Variants in GRIA1 observed in about 807,000 individuals in gnomAD.
GRIA1 encodes glutamate receptor 1.
A neutral mutation model predicts 99.2 loss-of-function variants in GRIA1; 31 were observed. That is an observed-to-expected ratio of 0.31 (90% CI 0.23 to 0.42). The LOEUF (loss-of-function observed/expected upper bound fraction) is 0.42. Ranked by LOEUF, GRIA1 falls within the 10% of genes least tolerant of loss-of-function variation. The pLI, the probability that GRIA1 is intolerant of heterozygous loss-of-function variation, is 1.00. For missense variants in GRIA1, 782 were observed against 1,157.5 expected, an observed-to-expected ratio of 0.68 and a Z score of 4.71; for synonymous variants, 438 against 432.4, an observed-to-expected ratio of 1.01 and a Z score of -0.16.
intron 11 of GRIA1, 196 bp downstream of exon 11, chr5:153,706,263 T>C: frequency 1.7e-6 from 1 of 603,562 alleles, no homozygotes; most frequent in Non-Finnish European, 2.9e-6. Context: ...CTGGGCCATC[T>C]CTGTCTGCTC....
Position 153,712,330 on chromosome 5 carries a change from A to G in GRIA1, c.1823+6263A>G, listed in dbSNP as rs527701602. Reference sequence around the variant, plus strand: ...CTCCCAAAGTGCTGGGATTACAGGCATGAGCCACTGTGCCCAGCCTTGTTG... The same window carrying G: ...CTCCCAAAGTGCTGGGATTACAGGCGTGAGCCACTGTGCCCAGCCTTGTTG... On this transcript the variant is annotated intron_variant, in intron 11 of 15. Transcript: ENST00000285900. Among the ~76,000 whole-genome samples, 114 of 152,312 alleles carry G rather than the reference A, an allele frequency of 7.5e-4. No individual in the cohort carries two copies. In the South Asian group the frequency reaches 0.019, roughly 25 times the overall value.
At chr5:153,690,274 A>G (rs1438652501) in intron 8 of GRIA1, among the ~76,000 whole-genome samples, 2 of 150,496 alleles carry the variant, frequency 1.3e-5, no homozygotes, top group Non-Finnish European at 3.0e-5. Flanking sequence ...AATATAATAT[A>G]ATATAATTTA....
At chr5:153,565,924 T>G (rs1210134491) in intron 2 of GRIA1, among the ~76,000 whole-genome samples, 1 of 152,234 alleles carries the variant, frequency 6.6e-6, no homozygotes, top group Non-Finnish European at 1.5e-5. Flanking sequence ...TGACTAATGC[T>G]GCTATGGAAA....
At chr5:153,583,954 C>G (rs1421560570) in intron 2 of GRIA1, among the ~76,000 whole-genome samples, 1 of 152,188 alleles carries the variant, frequency 6.6e-6, no homozygotes, top group African/African-American at 2.4e-5. Context: ...CCTGGTGATG[C>G]TCTCACTGGT....
chr5:153,718,161 T>C (rs574740978), intron 11 of GRIA1, among the ~76,000 whole-genome samples: 142 of 152,200 alleles, frequency 9.3e-4, no homozygotes, highest in Non-Finnish European at 1.6e-3. Flanking sequence ...AAGAAGTGAG[T>C]TCAGACCTCT....
chr5:153,552,748 G>T lies in GRIA1; in HGVS notation c.220+58683G>T, dbSNP rs531781540. On this transcript the variant is annotated intron_variant, in intron 2 of 15. Transcript: ENST00000285900. ...AGATTCTGTGGGGGCAGGGTCTAAG[G>T]TTTAGCATTTCTTACAAGCCAATGC... Among the ~76,000 whole-genome samples, 33 of 152,216 alleles carry T rather than the reference G, an allele frequency of 2.2e-4. No individual in the cohort carries two copies. The Middle Eastern group carries it at 0.01, about 47-fold the overall frequency.
At chr5:153,585,686 C>A (rs58694528) in intron 2 of GRIA1, among the ~76,000 whole-genome samples, 1,753 of 152,154 alleles carry the variant, frequency 0.012, 29 homozygotes, top group African/African-American at 0.04. Context: ...GGCTTATTGC[C>A]CCTTTGGACC....
chr5:153,492,229 C>T (rs557148743), intron 1 of GRIA1: 57 of 1,511,556 alleles, frequency 3.8e-5, no homozygotes, highest in Non-Finnish European at 4.9e-5. Context: ...CTTTCAGCCT[C>T]TCCAGCTAGC....
chr5:153,742,396 C>CATCA (rs1761870429), intron 11 of GRIA1, among the ~76,000 whole-genome samples: 2 of 152,144 alleles, frequency 1.3e-5, no homozygotes, highest in African/African-American at 4.8e-5. Flanking sequence ...ATTCATTTTC[C>CATCA]ATCACTGCCA....
At chr5:153,794,834 T>A in intron 14 of GRIA1, 99 bp downstream of exon 14, 1 of 700,714 alleles carries the variant, frequency 1.4e-6, no homozygotes, top group Non-Finnish European at 2.5e-6. Context: ...TTCCTAATAC[T>A]AAAAAGAAAA....
intron 3 of GRIA1, 89 bp downstream of exon 3, chr5:153,647,256 A>G (rs1221165333): frequency 1.4e-6 from 2 of 1,424,506 alleles, no homozygotes; most frequent in Non-Finnish European, 9.5e-7. Flanking sequence ...TGCTTCCCTG[A>G]AAAATATGGG....
chr5:153,776,642 A>G (rs959955275), intron 13 of GRIA1, among the ~76,000 whole-genome samples: 3 of 152,218 alleles, frequency 2.0e-5, no homozygotes, highest in Non-Finnish European at 4.4e-5. Flanking sequence ...CCTCACTGGC[A>G]TTCCCATTGA....
At chr5:153,781,750 C>T (rs1189158971) in intron 13 of GRIA1, among the ~76,000 whole-genome samples, 3 of 152,148 alleles carry the variant, frequency 2.0e-5, no homozygotes, top group Non-Finnish European at 4.4e-5. Context: ...TACTAATAAA[C>T]ATCCTAAAGG....
intron 15 of GRIA1, among the ~76,000 whole-genome samples, chr5:153,804,735 T>TAA (rs1175143262): frequency 0.08 from 1,591 of 19,996 alleles, 12 homozygotes; most frequent in East Asian, 0.42. Context: ...ATTAATTAAT[T>TAA]TATTTATTTA....
At chr5:153,686,483 C>G (rs1757349383) in intron 8 of GRIA1, among the ~76,000 whole-genome samples, 154 bp downstream of exon 8, 1 of 152,178 alleles carries the variant, frequency 6.6e-6, no homozygotes, top group Non-Finnish European at 1.5e-5. Context: ...CACTAACCAG[C>G]TGGGACATTG....
At chr5:153,498,332 G>A (rs903264919) in intron 2 of GRIA1, among the ~76,000 whole-genome samples, 1 of 152,172 alleles carries the variant, frequency 6.6e-6, no homozygotes, top group Non-Finnish European at 1.5e-5. Context: ...TGTCTGTGTT[G>A]TGTCTTTATA....
At chr5:153,621,861 C>T (rs942229985) in intron 2 of GRIA1, among the ~76,000 whole-genome samples, 38 of 152,106 alleles carry the variant, frequency 2.5e-4, no homozygotes, top group African/African-American at 9.2e-4. Flanking sequence ...AGAAGCCTTG[C>T]TTTTTCATTC....
intron 11 of GRIA1, among the ~76,000 whole-genome samples, chr5:153,737,676 G>C (rs1410494377): frequency 1.3e-5 from 2 of 152,076 alleles, no homozygotes; most frequent in Non-Finnish European, 2.9e-5. Context: ...CCTTTCATTT[G>C]CAAAAAGTGT....
At chr5:153,521,417 T>C (rs1338571686) in intron 2 of GRIA1, among the ~76,000 whole-genome samples, 1 of 152,256 alleles carries the variant, frequency 6.6e-6, no homozygotes, top group East Asian at 1.9e-4. Context: ...AAAGGTACAT[T>C]TTATTTAACT....
Sources: gnomAD v4.1 joint callset for allele counts (sites outside exome capture counted in the v4.1 genomes callset) on GRCh38, gnomAD v4.1.1 for gene constraint, MANE v1.5 for transcripts, NCBI Gene and HGNC (gene_info 2026-07-23, HGNC 2026-07-21) for gene names.